Variants in INTS1 observed in about 807,000 individuals in gnomAD.
The protein encoded by INTS1 is integrator complex subunit 1.
In INTS1, 137 loss-of-function variants were observed where a neutral mutation model predicts 241.6. The observed-to-expected ratio is 0.57, with a 90% CI of 0.49 to 0.65. The LOEUF (loss-of-function observed/expected upper bound fraction) is 0.65, where lower values mean the gene tolerates loss of function less well. Among genes scored for constraint, INTS1 ranks in the 30% least tolerant of loss-of-function variants. The pLI is 0.00. For missense variants in INTS1, 3,073 were observed against 3,032.2 expected, an observed-to-expected ratio of 1.01 and a Z score of -0.32; for synonymous variants, 1,692 against 1,337.8, an observed-to-expected ratio of 1.26 and a Z score of -5.78.
chr7:1,502,331 G>A (rs1018185512), intron 3 of INTS1, among the ~76,000 whole-genome samples: 6 of 152,146 alleles, frequency 3.9e-5, no homozygotes, highest in African/African-American at 1.2e-4. Flanking sequence ...GGAAAATGGC[G>A]CAGAGGGGCA....
rs1165739619 is a variant in INTS1 at position 1,497,770 on chromosome 7, T to C, written c.1426-456A>G. On this transcript the variant is annotated intron_variant, in intron 10 of 47. Transcript: ENST00000404767. The surrounding 1 kb of genome is among the most constrained non-coding windows in gnomAD (Gnocchi z 5.3). ...GAGAGCGGCTGTGCCTCCCTCGTGT[T>C]TCACACTCCATAGAGCCCACCGGGA... Among the ~76,000 whole-genome samples the C allele has an allele frequency of 6.6e-6, 1 of 152,230 alleles. No individual in the cohort carries two copies. The highest frequency in any genetic ancestry group is 2.4e-5 in the African/African-American group (1 of 41,464).
intron 13 of INTS1, 83 bp downstream of exon 13, chr7:1,495,350 T>C (rs1336457303): frequency 6.8e-6 from 10 of 1,478,930 alleles, no homozygotes; most frequent in Middle Eastern, 2.5e-4. Flanking sequence ...TCAGTGGGGT[T>C]TGGGGCAGGG....
At position 1,470,522 on chromosome 7, in the gene INTS1, G is replaced by A. The variant is rs567231638; in HGVS notation, c.*55C>T. ...CCACGCTTCCTGGGCTTTGCCTCGA[G>A]GATCCCCGGGGACGGGACGGGCCGG... On this transcript the variant is annotated 3_prime_UTR_variant, in exon 48 of 48. Transcript: ENST00000404767. 1.5e-6 allele frequency: 2 copies of A among 1,356,200 alleles called. No homozygotes were observed. Among genetic ancestry groups the A allele is most frequent in the East Asian group, 2.5e-5 (1 of 39,440 alleles). 84.0% of individuals were successfully genotyped at this position (1,356,200 alleles called of 1,614,324 possible). A position where few individuals can be genotyped will look rare whatever the true frequency, so the allele number is the denominator to read the frequency against.
At position 1,476,189 on chromosome 7, in the gene INTS1, T is replaced by TC. The variant is rs778123021; in HGVS notation, c.5378+39dup. On this transcript the variant is annotated intron_variant, in intron 38 of 47. Coordinates refer to ENST00000404767, the MANE Select transcript of INTS1 (RefSeq NM_001080453.3). ...GCTGGGCCTCGACCCCCTCCATGGC[T>TC]CACTCCCAGGCAGCATCTGGGGCCG... 5.0e-5 allele frequency: 77 copies of TC among 1,535,156 alleles called. No homozygotes were observed. The East Asian group carries it at 1.7e-3, about 33-fold the overall frequency.
chr7:1,474,987 C>G, intron 39 of INTS1, 149 bp from the exon 40 acceptor site: 1 of 1,059,390 alleles, frequency 9.4e-7, no homozygotes, highest in Non-Finnish European at 1.3e-6. Flanking sequence ...ATGAGCACCT[C>G]GGGAGGGCAG....
At chr7:1,495,998 G>C (rs1320665317) in intron 12 of INTS1, among the ~76,000 whole-genome samples, 158 bp downstream of exon 12, 1 of 152,182 alleles carries the variant, frequency 6.6e-6, no homozygotes, top group African/African-American at 2.4e-5. Context: ...GACAGGAACG[G>C]GGACGGCAGC....
Position 1,494,508 on chromosome 7 carries a change from TGC to T in INTS1, c.1910+306_1910+307del. 1.1e-5 allele frequency: 5 copies of T among 475,248 alleles called. No homozygotes were observed. The East Asian group carries it at 1.6e-4, about 15-fold the overall frequency. The allele number at this position is 475,248 out of a possible 1,614,324, so 29.4% of individuals were successfully genotyped here. A position where few individuals can be genotyped will look rare whatever the true frequency, so the allele number is the denominator to read the frequency against. ...CAGGGGCAGACGGTGCATCTGAGAC[TGC>T]GTGAAGGGTGGCGTGCCCGTGGACG... On this transcript the variant is annotated intron_variant, in intron 14 of 47. Transcript: ENST00000404767.
chr7:1,479,695 G>C lies in INTS1; in HGVS notation c.4075-11C>G. 6.9e-7 allele frequency: 1 copy of C among 1,459,526 alleles called. No homozygotes were observed. The allele number at this position is 1,459,526 out of a possible 1,614,324, so 90.4% of individuals were successfully genotyped here. A position where few individuals can be genotyped will look rare whatever the true frequency, so the allele number is the denominator to read the frequency against. ...GCTGAGCGGGAAAATCTGGAACGGG[G>C]AAGGCCAGTGTCAGGAGGAAGCGGA... On this transcript the variant is annotated splice_polypyrimidine_tract_variant and intron_variant, in intron 30 of 47. Coordinates refer to ENST00000404767, the MANE Select transcript of INTS1 (RefSeq NM_001080453.3).
intron 43 of INTS1, 72 bp downstream of exon 43, chr7:1,473,000 T>C (rs1048091304): frequency 1.8e-5 from 18 of 1,017,120 alleles, no homozygotes; most frequent in Non-Finnish European, 2.6e-5. Flanking sequence ...GGGCTGGCTG[T>C]GCGCTGGGAA....
intron 38 of INTS1, 60 bp downstream of exon 38, chr7:1,476,169 G>A (rs544461621): frequency 6.5e-7 from 1 of 1,527,566 alleles, no homozygotes; most frequent in Non-Finnish European, 8.8e-7. Flanking sequence ...CCAGGGCTGG[G>A]CCTCGACCCC....
chr7:1,499,949 GCA>G lies in INTS1; in HGVS notation c.617_618del (p.Val206AlafsTer4), dbSNP rs1562522563. The G allele has an allele frequency of 1.2e-5, 19 of 1,613,626 alleles. No homozygotes were observed. The highest frequency in any genetic ancestry group is 1.6e-5 in the Non-Finnish European group (19 of 1,179,876). ...FKAKGNSLVS[V>X]LACNLLMAAY... ...GCGGCCATGAGGAGGTTACAGGCCA[GCA>G]CAGACACCAGGCTGTTCCCCTTGGC... On this transcript the variant is annotated frameshift_variant, in exon 5 of 48. Transcript: ENST00000404767. LOFTEE classifies it high-confidence loss of function.
Position 1,470,412 on chromosome 7 carries a change from C to T in INTS1, c.*165G>A. Reference sequence around the variant, plus strand: ...CCTGATGCCAGCGGCCGGCCCGGAGCCACCCCAGGGCTCGGAGTATTGCTC... The same window carrying T: ...CCTGATGCCAGCGGCCGGCCCGGAGTCACCCCAGGGCTCGGAGTATTGCTC... On this transcript the variant is annotated 3_prime_UTR_variant, in exon 48 of 48. Transcript: ENST00000404767. 2 of 543,592 alleles carry T rather than the reference C, an allele frequency of 3.7e-6. No homozygotes were observed. The highest frequency in any genetic ancestry group is 6.3e-6 in the Non-Finnish European group (2 of 315,456). 33.7% of individuals were successfully genotyped at this position (543,592 alleles called of 1,614,324 possible). A position where few individuals can be genotyped will look rare whatever the true frequency, so the allele number is the denominator to read the frequency against.
chr7:1,478,373 G>A lies in INTS1; in HGVS notation c.4623C>T (p.Ile1541=), dbSNP rs772918318. The A allele has an allele frequency of 4.3e-6, 7 of 1,612,426 alleles. No homozygotes were observed. The Admixed American group carries it at 1.0e-4, about 23-fold the overall frequency. ...GEQCSVEPDL[I]SKVLQGLIEV... ...ATGGTGCCAGGAAGGTACCTTTGCT[G>A]ATCAGGTCCGGCTCCACGCTGCACT... The change falls in exon 33 of 48, where the codon ATC becomes ATT. Residue 1541 remains isoleucine, a synonymous_variant. Coordinates refer to ENST00000404767, the MANE Select transcript of INTS1 (RefSeq NM_001080453.3).
In INTS1 at chr7:1,493,182, T is replaced by A; in HGVS notation, c.2069-76A>T. 2 of 955,936 alleles carry A rather than the reference T, an allele frequency of 2.1e-6. No individual in the cohort carries two copies. Among genetic ancestry groups the A allele is most frequent in the East Asian group, 4.4e-5 (1 of 22,902 alleles). 59.2% of individuals were successfully genotyped at this position (955,936 alleles called of 1,614,324 possible). A position where few individuals can be genotyped will look rare whatever the true frequency, so the allele number is the denominator to read the frequency against. ...GCACAGGCAGCGAGGGAACCGGCCC[T>A]GCTCGGGCCGCGTCGGGGTGGGGTG... On this transcript the variant is annotated intron_variant, in intron 15 of 47. Transcript: ENST00000404767. The surrounding 1 kb of genome is among the most constrained non-coding windows in gnomAD (Gnocchi z 5.3).
In INTS1 at chr7:1,474,411, C is replaced by T. The variant is rs545172782; in HGVS notation, c.5637-51G>A. The T allele has an allele frequency of 7.0e-5, 105 of 1,510,100 alleles. 1 individual carries two copies. In the East Asian group the frequency reaches 1.4e-3, roughly 20 times the overall value. 93.5% of individuals were successfully genotyped at this position (1,510,100 alleles called of 1,614,324 possible). On this transcript the variant is annotated intron_variant, in intron 40 of 47. Transcript: ENST00000404767. ...AGCCCCGGCCGGCGGGCTCACCTGG[C>T]GCACGTCCCCAGGAAGGCCCCACTG...
Position 1,470,680 on chromosome 7 carries a change from A to T in INTS1, c.6470T>A (p.Val2157Glu). ...YALLCQEHAA[V>E]LLHRAFLVGM... is the part of the protein sequence containing the mutation. ...CACCAGGAAGGCCCGGTGGAGCAGC[A>T]CAGCCGCGTGCTCTGTGGGGGAAAC... is the stretch of plus-strand genomic sequence containing the variant. Residue 2157 changes from valine (V) to glutamate (E), a missense_variant, in exon 48 of 48, where the codon GTG becomes GAG. Transcript: ENST00000404767. The T allele has an allele frequency of 6.4e-7, 1 of 1,562,426 alleles. No homozygotes were observed.
intron 18 of INTS1, among the ~76,000 whole-genome samples, chr7:1,488,449 A>T (rs1026955630): frequency 3.3e-5 from 5 of 152,106 alleles, no homozygotes; most frequent in African/African-American, 1.2e-4. Flanking sequence ...CCCCAAAGTC[A>T]GTCTGCTCCT....
chr7:1,474,571 G>A (rs534900321), intron 40 of INTS1, 134 bp downstream of exon 40: 28 of 1,316,232 alleles, frequency 2.1e-5, no homozygotes, highest in Admixed American at 1.5e-4. Context: ...GACTTCCCCC[G>A]GTCAAGCTCA....
chr7:1,489,252 G>T (rs973878359), intron 18 of INTS1, 92 bp downstream of exon 18: 2 of 964,394 alleles, frequency 2.1e-6, no homozygotes, highest in South Asian at 1.6e-5. Context: ...GATGCAGCAC[G>T]ACCCAGGAGA....
Sources: gnomAD v4.1 joint callset for allele counts (sites outside exome capture counted in the v4.1 genomes callset) on GRCh38, gnomAD v4.1.1 for gene constraint, Gnocchi (gnomAD v3.1) non-coding constraint, MANE v1.5 for transcripts, NCBI Gene and HGNC (gene_info 2026-07-23, HGNC 2026-07-21) for gene names.